The following FGF14 variants were observed in gnomAD, a reference collection of about 807,000 sequenced individuals.
The protein encoded by FGF14 is fibroblast growth factor 14.
In FGF14, 5 loss-of-function variants were observed where a neutral mutation model predicts 25.5. The ratio of observed to expected loss-of-function variants is 0.20; its 90% CI spans 0.10 to 0.41. The LOEUF is 0.41. FGF14 is among the 10% of genes least tolerant of loss of function. The pLI is 1.00. For synonymous variants in FGF14, 138 were observed against 118.3 expected (o/e 1.17, Z -1.08); for missense variants, 222 against 320.1 (o/e 0.69, Z 2.34).
At chr13:102,160,910 C>A (rs2047592601) in intron 1 of FGF14, among the ~76,000 whole-genome samples, 1 of 152,144 alleles carries the variant, frequency 6.6e-6, no homozygotes, top group Admixed American at 6.5e-5. Context: ...TGTTGAATTA[C>A]AACTCAACGG....
intron 3 of FGF14, chr13:101,778,850 T>C (rs889156793): frequency 7.4e-6 from 1 of 135,506 alleles, no homozygotes; most frequent in African/African-American, 2.6e-5. Context: ...CCAATTGTTT[T>C]TGTTTGCTTT....
intron 1 of FGF14, among the ~76,000 whole-genome samples, chr13:102,105,650 T>C (rs1002708353): frequency 1.1e-4 from 17 of 152,242 alleles, no homozygotes; most frequent in African/African-American, 4.1e-4. Context: ...GAAAACTGTT[T>C]CATTTATTTT....
intron 1 of FGF14, among the ~76,000 whole-genome samples, chr13:102,219,658 C>T (rs1248382421): frequency 6.6e-6 from 1 of 152,160 alleles, no homozygotes; most frequent in Admixed American, 6.5e-5. Flanking sequence ...GAAATTGATA[C>T]TAAAATATAC....
chr13:101,726,536 C>T (rs2035448488), intron 4 of FGF14, 76 bp downstream of exon 4: 2 of 1,379,418 alleles, frequency 1.4e-6, no homozygotes, highest in Non-Finnish European at 2.1e-6. Flanking sequence ...TTTCTTAGAG[C>T]CATGGTAGAC....
chr13:101,968,742 A>G (rs2037397469), intron 1 of FGF14, among the ~76,000 whole-genome samples: 1 of 152,052 alleles, frequency 6.6e-6, no homozygotes, highest in Admixed American at 6.5e-5. Context: ...CACAATTACA[A>G]AAGTCACAGC....
chr13:101,852,798 G>A (rs966284363), intron 3 of FGF14, among the ~76,000 whole-genome samples: 1 of 152,000 alleles, frequency 6.6e-6, no homozygotes, highest in Non-Finnish European at 1.5e-5. Context: ...GCAAATAGAT[G>A]TCTTGCTTAG....
intron 1 of FGF14, among the ~76,000 whole-genome samples, chr13:102,333,559 T>C (rs2056698570): frequency 6.6e-6 from 1 of 152,128 alleles, no homozygotes; most frequent in African/African-American, 2.4e-5. Context: ...TTCGGTAAAG[T>C]AGGAACACAA....
At chr13:101,801,731 T>C (rs979584928) in intron 3 of FGF14, 5 of 156,106 alleles carry the variant, frequency 3.2e-5, no homozygotes, top group African/African-American at 1.2e-4. Flanking sequence ...GATGGTGAAA[T>C]GGAAATGGAG....
Position 101,715,352 on chromosome 13 carries a change from G to T in FGF14, c.*7479C>A. On this transcript the variant is annotated 3_prime_UTR_variant, in exon 5 of 5. Transcript: ENST00000376143. ...GATGGTGACTATCTGATCGGTAAAG[G>T]GTGGCACCAAATAAATGCCACTAAT... 1 of 550,810 alleles carries T rather than the reference G, an allele frequency of 1.8e-6. No homozygotes were observed. The highest frequency in any genetic ancestry group is 3.3e-6 in the Non-Finnish European group (1 of 306,964). The allele number at this position is 550,810 out of a possible 1,614,324, so 34.1% of individuals were successfully genotyped here.
chr13:102,125,761 T>C (rs757811724), intron 1 of FGF14, among the ~76,000 whole-genome samples: 1 of 152,196 alleles, frequency 6.6e-6, no homozygotes, highest in Non-Finnish European at 1.5e-5. Flanking sequence ...TTAAAATATA[T>C]TTTGCATAGT....
At chr13:102,268,556 C>A (rs1442001924) in intron 1 of FGF14, among the ~76,000 whole-genome samples, 3 of 151,826 alleles carry the variant, frequency 2.0e-5, no homozygotes, top group African/African-American at 7.3e-5. Context: ...ATGTGAAAAT[C>A]TCAATAGAGT....
intron 1 of FGF14, among the ~76,000 whole-genome samples, chr13:102,274,091 T>C (rs1477090940): frequency 6.6e-6 from 1 of 152,138 alleles, no homozygotes; most frequent in East Asian, 1.9e-4. Context: ...GCTGTAGATA[T>C]CATGTGGAAA....
rs552481645 is a variant in FGF14, at chr13:102,144,660, G to T, written c.208+256811C>A. On this transcript the variant is annotated intron_variant, in intron 1 of 4. Coordinates refer to the FGF14 transcript ENST00000376131. ...AGTACATCTGAGTTGTAGAGAATTG[G>T]AAAAATCATGAATCATTCAAATAAT... Among the ~76,000 whole-genome samples the T allele has an allele frequency of 1.2e-4, 19 of 152,162 alleles. No homozygotes were observed. The South Asian group carries it at 3.9e-3, about 32-fold the overall frequency.
At chr13:101,991,501 C>G (rs2139674607) in intron 1 of FGF14, among the ~76,000 whole-genome samples, 1 of 152,224 alleles carries the variant, frequency 6.6e-6, no homozygotes, top group South Asian at 2.1e-4. Context: ...AGTTTCTAGT[C>G]TGACGTGCAA....
At chr13:102,020,922 TA>T (rs35573849) in intron 1 of FGF14, among the ~76,000 whole-genome samples, 48,503 of 143,436 alleles carry the variant, frequency 0.34, 8,345 homozygotes, top group East Asian at 0.45. Flanking sequence ...AACACAGAGA[TA>T]AAAAAAAAAA....
upstream of FGF14, chr13:102,402,084 G>GA (rs529320991): frequency 1.5e-3 from 227 of 156,164 alleles, no homozygotes; most frequent in South Asian, 3.0e-3. Flanking sequence ...AAAGAAAAAA[G>GA]AAAAAAAAAG....
At chr13:102,164,871 G>T (rs1200255692) in intron 1 of FGF14, among the ~76,000 whole-genome samples, 1 of 152,136 alleles carries the variant, frequency 6.6e-6, no homozygotes, top group Non-Finnish European at 1.5e-5. Context: ...TGAATGTTGG[G>T]ATATTTTCTT....
chr13:101,926,587 C>G (rs1043562510), intron 1 of FGF14, among the ~76,000 whole-genome samples: 3 of 152,142 alleles, frequency 2.0e-5, no homozygotes, highest in Non-Finnish European at 4.4e-5. Context: ...TTCTAAGCCC[C>G]ACATAAATCC....
chr13:101,903,642 G>T (rs1651970276), intron 1 of FGF14, among the ~76,000 whole-genome samples: 1 of 151,950 alleles, frequency 6.6e-6, no homozygotes, highest in Admixed American at 6.6e-5. Flanking sequence ...AAGGAGGGAG[G>T]GCTGTGTGCC....
Sources: gnomAD v4.1 joint callset for allele counts (sites outside exome capture counted in the v4.1 genomes callset) on GRCh38, gnomAD v4.1.1 for gene constraint, MANE v1.5 for transcripts, NCBI Gene and HGNC (gene_info 2026-07-23, HGNC 2026-07-21) for gene names.